The following CEP83 variants were observed in gnomAD, a reference collection of about 807,000 sequenced individuals.
CEP83 encodes the protein centrosomal protein 83.
CEP83 carries 70 observed loss-of-function variants against 101.9 expected under a neutral mutation model. The ratio of observed to expected loss-of-function variants is 0.69; its 90% CI spans 0.57 to 0.84. The LOEUF (loss-of-function observed/expected upper bound fraction) is 0.84. CEP83 is among the 40% of genes least tolerant of loss of function. CEP83 has a pLI of 0.00. For missense variants in CEP83, 715 were observed against 787.2 expected (o/e 0.91, Z 1.10); for synonymous variants, 264 against 267.9 (o/e 0.99, Z 0.14).
rs1034036159 is a variant in CEP83, at chr12:94,459,633, G to C, written c.-231C>G. The C allele has an allele frequency of 6.5e-6, 1 of 153,216 alleles. No individual in the cohort carries two copies. Among genetic ancestry groups the C allele is most frequent in the African/African-American group, 2.4e-5 (1 of 41,456 alleles). 9.5% of individuals were successfully genotyped at this position (153,216 alleles called of 1,614,324 possible). ...CAGTTCTGGCCGCGCTCGCCACCGG[G>C]GACACCTCCACAGCTCCAACCACAG... On this transcript the variant is annotated 5_prime_UTR_variant, in exon 1 of 17. Coordinates refer to ENST00000397809, the MANE Select transcript of CEP83 (RefSeq NM_016122.3).
At position 94,455,030 on chromosome 12, in the gene CEP83, G is replaced by A. The variant is rs183124310; in HGVS notation, c.-155+4527C>T. On this transcript the variant is annotated intron_variant, in intron 1 of 16. Coordinates refer to ENST00000397809, the MANE Select transcript of CEP83 (RefSeq NM_016122.3). The stretch of plus-strand genomic sequence containing the variant: ...CTGAACATCTGAAGGAACAAACTCC[G>A]GACACACCATCTTTAAGAACTGCAA... 5.5e-3 allele frequency among the ~76,000 whole-genome samples: 838 copies of A among 152,030 alleles called. 5 individuals are homozygous for A. The highest frequency in any genetic ancestry group is 0.04 in the South Asian group (194 of 4,816).
Position 94,318,733 on chromosome 12 carries a change from G to C in CEP83, c.1708-5716C>G, listed in dbSNP as rs1971117650. ...TCACATTTATTGATTTGCACATGTT[G>C]AATCAACCTTGCATCCCAAAGATAA... is the stretch of plus-strand genomic sequence containing the variant. On this transcript the variant is annotated intron_variant, in intron 14 of 16. Coordinates refer to ENST00000397809, the MANE Select transcript of CEP83 (RefSeq NM_016122.3). Among the ~76,000 whole-genome samples the C allele has an allele frequency of 2.6e-5, 4 of 152,150 alleles. No individual in the cohort carries two copies. In the South Asian group the frequency reaches 8.3e-4, roughly 32 times the overall value.
chr12:94,454,150 T>C (rs1340450033), intron 1 of CEP83, among the ~76,000 whole-genome samples: 2 of 151,994 alleles, frequency 1.3e-5, no homozygotes, highest in African/African-American at 4.8e-5. Flanking sequence ...TGATCTCAGC[T>C]TTCTATGAAG....
chr12:94,378,078 C>A (rs1026874639), intron 7 of CEP83, among the ~76,000 whole-genome samples: 10 of 151,830 alleles, frequency 6.6e-5, no homozygotes, highest in African/African-American at 2.4e-4. Context: ...CCACCCAAAT[C>A]ATTTTATAAC....
At chr12:94,340,134 A>T (rs1439705249) in intron 11 of CEP83, among the ~76,000 whole-genome samples, 1 of 152,248 alleles carries the variant, frequency 6.6e-6, no homozygotes. Flanking sequence ...AAGCTCAAGA[A>T]AAAAACAGAA....
At chr12:94,372,283 A>C (rs1031211735) in intron 8 of CEP83, among the ~76,000 whole-genome samples, 2 of 152,186 alleles carry the variant, frequency 1.3e-5, no homozygotes, top group Admixed American at 1.3e-4. Flanking sequence ...TGTGGTTTTA[A>C]TTTCCTTTTG....
At chr12:94,275,934 C>T in the CEP83 span, among the ~76,000 whole-genome samples, 1 of 149,570 alleles carries the variant, frequency 6.7e-6, no homozygotes, top group African/African-American at 2.5e-5. Flanking sequence ...GAACACATAT[C>T]AATTTATGTC....
intron 2 of CEP83, chr12:94,433,961 A>T (rs977326885): frequency 6.6e-6 from 1 of 152,246 alleles, no homozygotes; most frequent in Non-Finnish European, 1.5e-5. Flanking sequence ...GAATCTTAGT[A>T]AACTGCAAAT....
chr12:94,315,199 A>G (rs1481511595), intron 14 of CEP83, among the ~76,000 whole-genome samples: 1 of 152,214 alleles, frequency 6.6e-6, no homozygotes, highest in Non-Finnish European at 1.5e-5. Flanking sequence ...CATTTCCACC[A>G]GCAATATGTG....
chr12:94,309,030 G>A, intron 16 of CEP83, 113 bp from the exon 17 acceptor site: 1 of 696,368 alleles, frequency 1.4e-6, no homozygotes, highest in Non-Finnish European at 2.5e-6. Flanking sequence ...AGGAAATGCT[G>A]ACCACTGTAG....
the CEP83 span, chr12:94,298,823 T>G: frequency 6.3e-7 from 1 of 1,592,252 alleles, no homozygotes; most frequent in Non-Finnish European, 8.6e-7. Context: ...TAGTGACTGT[T>G]TTCAAGAATC....
intron 1 of CEP83, among the ~76,000 whole-genome samples, chr12:94,437,303 C>T (rs927070952): frequency 6.6e-6 from 1 of 152,154 alleles, no homozygotes; most frequent in Non-Finnish European, 1.5e-5. Context: ...CAAGATCGTG[C>T]CACTGCACTC....
At chr12:94,384,543 G>T (rs924243225) in intron 6 of CEP83, among the ~76,000 whole-genome samples, 2 of 152,038 alleles carry the variant, frequency 1.3e-5, no homozygotes. Context: ...TAGATCTTTT[G>T]TTATAGTCCT....
chr12:94,360,469 ATACT>A (rs1265255148), intron 11 of CEP83, among the ~76,000 whole-genome samples: 4 of 152,076 alleles, frequency 2.6e-5, no homozygotes, highest in African/African-American at 9.6e-5. Context: ...GCATTTCTAC[ATACT>A]TAAACTAACT....
chr12:94,317,570 C>G (rs1381326683), intron 14 of CEP83, among the ~76,000 whole-genome samples: 1 of 152,076 alleles, frequency 6.6e-6, no homozygotes, highest in African/African-American at 2.4e-5. Context: ...GTCTTTAATC[C>G]TTCTTGAGTT....
the CEP83 span, among the ~76,000 whole-genome samples, chr12:94,288,286 T>C: frequency 1.3e-5 from 2 of 152,226 alleles, no homozygotes; most frequent in Admixed American, 6.5e-5. Flanking sequence ...TCCGTGAAGA[T>C]GACAGTTACC....
chr12:94,421,606 A>T (rs2064755164), intron 2 of CEP83, among the ~76,000 whole-genome samples: 1 of 152,224 alleles, frequency 6.6e-6, no homozygotes, highest in Non-Finnish European at 1.5e-5. Flanking sequence ...ACACATAATG[A>T]AATGCACAAA....
chr12:94,391,190 T>C (rs760747392), intron 6 of CEP83, among the ~76,000 whole-genome samples: 3 of 151,630 alleles, frequency 2.0e-5, no homozygotes, highest in Admixed American at 6.6e-5. Context: ...TGCACCAAGG[T>C]TGAAATGAAG....
chr12:94,353,434 T>C (rs920426659), intron 11 of CEP83, among the ~76,000 whole-genome samples: 19 of 152,086 alleles, frequency 1.2e-4, no homozygotes, highest in African/African-American at 4.6e-4. Flanking sequence ...CAGATAGATA[T>C]ACAAATGAGA....
Sources: gnomAD v4.1 joint callset for allele counts (sites outside exome capture counted in the v4.1 genomes callset) on GRCh38, gnomAD v4.1.1 for gene constraint, MANE v1.5 for transcripts, NCBI Gene and HGNC (gene_info 2026-07-23, HGNC 2026-07-21) for gene names.